Variants in ERC1 observed in about 807,000 individuals in gnomAD.
The protein encoded by ERC1 is RAB6 interacting protein 2.
In ERC1, 56 loss-of-function variants were observed where a neutral mutation model predicts 132.0. The observed-to-expected ratio is 0.42, with a 90% CI of 0.34 to 0.53. The LOEUF (loss-of-function observed/expected upper bound fraction) is 0.53. ERC1 is among the 20% of genes least tolerant of loss of function. ERC1 has a pLI of 0.03. For synonymous variants in ERC1, 478 were observed against 476.1 expected, an observed-to-expected ratio of 1.00 and a Z score of -0.05; for missense variants, 1,202 against 1,349.9, an observed-to-expected ratio of 0.89 and a Z score of 1.72.
At chr12:1,204,721 CA>C (rs1239544281) in intron 12 of ERC1, among the ~76,000 whole-genome samples, 1 of 152,006 alleles carries the variant, frequency 6.6e-6, no homozygotes, top group Non-Finnish European at 1.5e-5. Context: ...AGTCAGAGAG[CA>C]AGAACCAGAT....
chr12:1,337,286 C>T (rs2083395274), intron 15 of ERC1, among the ~76,000 whole-genome samples: 1 of 151,688 alleles, frequency 6.6e-6, no homozygotes, highest in African/African-American at 2.4e-5. Context: ...CATTGAACCC[C>T]TTACTATTTA....
intron 18 of ERC1, among the ~76,000 whole-genome samples, chr12:1,474,080 C>A (rs1470545550): frequency 6.6e-6 from 1 of 152,172 alleles, no homozygotes; most frequent in African/African-American, 2.4e-5. Flanking sequence ...TCCTAAGAAG[C>A]CTGCAGATTC....
chr12:1,146,775 A>ACCC (rs142725193), intron 8 of ERC1, among the ~76,000 whole-genome samples: 9 of 142,406 alleles, frequency 6.3e-5, no homozygotes, highest in African/African-American at 1.7e-4. Flanking sequence ...CCCTCCCCCA[A>ACCC]CCCCCACCCC....
In ERC1 at chr12:1,289,970, G is replaced by A. The variant is rs2079322188; in HGVS notation, c.2738G>A (p.Arg913Gln). ...AAGGAAACTCACTTGACTAATCTTC[G>A]GGCAGAGAGAAGGAAACACTTAGAG... ...AEKETHLTNL[R>Q]AERRKHLEEV... Residue 913 changes from arginine to glutamine, a missense_variant, in exon 15 of 19, where the codon CGG (arginine) becomes CAG (glutamine). Physicochemically the swap from Arg to Gln is conservative, Grantham distance 43 (BLOSUM62 1). Transcript: ENST00000360905. 5.0e-6 allele frequency: 8 copies of A among 1,613,912 alleles called. No homozygotes were observed. The highest frequency in any genetic ancestry group is 3.3e-4 in the Middle Eastern group (2 of 6,084).
intron 2 of ERC1, among the ~76,000 whole-genome samples, chr12:1,061,457 G>T (rs1359808376): frequency 6.8e-6 from 1 of 146,436 alleles, no homozygotes; most frequent in Admixed American, 6.9e-5. Context: ...AAAAAAAGTT[G>T]CTGGGCGTGG....
chr12:1,119,995 AT>A (rs553700400), intron 7 of ERC1, among the ~76,000 whole-genome samples: 12 of 148,200 alleles, frequency 8.1e-5, no homozygotes, highest in Non-Finnish European at 9.0e-5. Flanking sequence ...TTAATTTATT[AT>A]TTTTTTTTTG....
chr12:1,007,254 C>G (rs981473566), intron 1 of ERC1, among the ~76,000 whole-genome samples: 2 of 152,026 alleles, frequency 1.3e-5, no homozygotes, highest in Non-Finnish European at 2.9e-5. Context: ...TACCTTGGAG[C>G]AATGGCAAGA....
chr12:1,162,624 C>G (rs1220262237), intron 8 of ERC1, among the ~76,000 whole-genome samples: 2 of 151,666 alleles, frequency 1.3e-5, no homozygotes, highest in African/African-American at 4.8e-5. Flanking sequence ...AGTTTGTTCA[C>G]TTTTTCCATA....
chr12:1,027,783 TG>T lies in ERC1; in HGVS notation c.-117del. 2 of 744,882 alleles carry T rather than the reference TG, an allele frequency of 2.7e-6. No individual in the cohort carries two copies. Among genetic ancestry groups the T allele is most frequent in the Non-Finnish European group, 2.3e-6 (1 of 441,882 alleles). 46.1% of individuals were successfully genotyped at this position (744,882 alleles called of 1,614,324 possible). On this transcript the variant is annotated 5_prime_UTR_variant, in exon 2 of 19. Coordinates refer to ENST00000360905, the MANE Select transcript of ERC1 (RefSeq NM_178040.4). The stretch of plus-strand genomic sequence containing the variant: ...AGATACTTCTTCAAGATTGGACAGC[TG>T]GGGACCTTCTTCTGATTAACCTTAA...
At chr12:1,374,590 C>T (rs1271592866) in intron 16 of ERC1, among the ~76,000 whole-genome samples, 1 of 152,196 alleles carries the variant, frequency 6.6e-6, no homozygotes, top group East Asian at 1.9e-4. Flanking sequence ...TGTCAGGCCC[C>T]CGCACGAGAT....
intron 15 of ERC1, among the ~76,000 whole-genome samples, chr12:1,339,440 C>T (rs1278661424): frequency 1.5e-5 from 2 of 133,112 alleles, no homozygotes; most frequent in Non-Finnish European, 3.2e-5. Flanking sequence ...CCAGGGTGCC[C>T]GCCCCCATGT....
chr12:1,467,323 A>G (rs2093763210), intron 18 of ERC1, among the ~76,000 whole-genome samples: 1 of 151,948 alleles, frequency 6.6e-6, no homozygotes, highest in South Asian at 2.1e-4. Flanking sequence ...CAAGTTTTCT[A>G]GGAAGGGCAG....
intron 13 of ERC1, among the ~76,000 whole-genome samples, chr12:1,261,005 C>T (rs1368896883): frequency 6.6e-6 from 1 of 152,108 alleles, no homozygotes; most frequent in African/African-American, 2.4e-5. Flanking sequence ...GGTTTCACTG[C>T]CGGCTTCAGG....
At chr12:1,048,960 C>T (rs908083243) in intron 2 of ERC1, among the ~76,000 whole-genome samples, 11 of 152,206 alleles carry the variant, frequency 7.2e-5, no homozygotes, top group Admixed American at 7.2e-4. Flanking sequence ...TGCTTCGGAT[C>T]TCCCCTTGAG....
intron 15 of ERC1, among the ~76,000 whole-genome samples, chr12:1,331,071 T>A (rs761893780): frequency 2.0e-5 from 3 of 152,210 alleles, no homozygotes; most frequent in Non-Finnish European, 4.4e-5. Flanking sequence ...TTCACTATAT[T>A]TTTGCAGTCT....
chr12:1,069,719 A>G (rs1344279551), intron 2 of ERC1, among the ~76,000 whole-genome samples: 1 of 152,222 alleles, frequency 6.6e-6, no homozygotes. Flanking sequence ...GGATTTGGGA[A>G]ACACCTCATA....
At chr12:1,467,698 A>G (rs908699488) in intron 18 of ERC1, among the ~76,000 whole-genome samples, 3 of 152,228 alleles carry the variant, frequency 2.0e-5, no homozygotes, top group Non-Finnish European at 1.5e-5. Context: ...GTAATATATA[A>G]TGAAATAATT....
At chr12:1,458,397 CGTATT>C (rs955259260) in intron 18 of ERC1, among the ~76,000 whole-genome samples, 5 of 151,784 alleles carry the variant, frequency 3.3e-5, no homozygotes, top group East Asian at 1.9e-4. Context: ...CAAATCCTAT[CGTATT>C]GGATTGTTTT....
At chr12:1,357,395 G>A (rs771558799) in intron 15 of ERC1, among the ~76,000 whole-genome samples, 1 of 152,218 alleles carries the variant, frequency 6.6e-6, no homozygotes, top group Non-Finnish European at 1.5e-5. Context: ...ACTGGGAAAG[G>A]TTAAATAAAC....
Sources: gnomAD v4.1 joint callset for allele counts (sites outside exome capture counted in the v4.1 genomes callset) on GRCh38, gnomAD v4.1.1 for gene constraint, MANE v1.5 for transcripts, NCBI Gene and HGNC (gene_info 2026-07-23, HGNC 2026-07-21) for gene names.